The following STK26 variants were observed in gnomAD, a reference collection of about 807,000 sequenced individuals.
STK26 encodes the protein serine/threonine-protein kinase 26.
In STK26, 14 loss-of-function variants were observed where a neutral mutation model predicts 34.7. The ratio of observed to expected loss-of-function variants is 0.40; its 90% CI spans 0.27 to 0.63. The LOEUF is 0.63. Among genes scored for constraint, STK26 ranks in the 30% least tolerant of loss-of-function variants. The probability of loss-of-function intolerance (pLI) is 0.38; values close to 1 mark genes in which losing one functional copy is unlikely to be tolerated. For synonymous variants in STK26, 100 were observed against 109.8 expected, an observed-to-expected ratio of 0.91 and a Z score of 0.56; for missense variants, 226 against 309.1, an observed-to-expected ratio of 0.73 and a Z score of 2.02.
intron 3 of STK26, among the ~76,000 whole-genome samples, chrX:132,058,065 C>T (rs1926916345): frequency 8.9e-6 from 1 of 112,078 alleles, no homozygotes; most frequent in Non-Finnish European, 1.9e-5. Context: ...TATTTTACTA[C>T]ATACATAATT....
chrX:132,072,702 A>G, intron 9 of STK26, 111 bp from the exon 10 acceptor site: 3 of 797,689 alleles, frequency 3.8e-6, no homozygotes, highest in Non-Finnish European at 5.5e-6. Flanking sequence ...CCTTGCATAC[A>G]ATCTTTTGTT....
At chrX:132,050,523 C>G (rs2124164494) in intron 2 of STK26, among the ~76,000 whole-genome samples, 1 of 111,524 alleles carries the variant, frequency 9.0e-6, no homozygotes, top group South Asian at 3.8e-4. Flanking sequence ...GAAAAGTCAG[C>G]CTTCCCTATA....
intron 4 of STK26, among the ~76,000 whole-genome samples, chrX:132,063,839 T>C (rs762252041): frequency 8.9e-6 from 1 of 111,983 alleles, no homozygotes; most frequent in African/African-American, 3.2e-5. Flanking sequence ...AAATATGTAA[T>C]TGAGATAACT....
chrX:132,034,911 CAT>C (rs1925989709), intron 2 of STK26, among the ~76,000 whole-genome samples: 1 of 110,775 alleles, frequency 9.0e-6, no homozygotes, highest in Non-Finnish European at 1.9e-5. Flanking sequence ...TTGCATTTCT[CAT>C]GAGTTCTCAG....
At chrX:132,056,111 A>T (rs929995068) in intron 3 of STK26, among the ~76,000 whole-genome samples, 1 of 112,270 alleles carries the variant, frequency 8.9e-6, no homozygotes. Flanking sequence ...CTTCCTTGAC[A>T]CAATTATTTT....
At position 132,055,087 on chromosome X, in the gene STK26, T is replaced by C. The variant is rs1363470441; in HGVS notation, c.273+226T>C. On this transcript the variant is annotated intron_variant, in intron 3 of 11. Transcript: ENST00000394334. ...CACCCCTTTTCCACACCTGAACTTT[T>C]GGTTTGATGGAGGAGCAGAAATGCA... is the stretch of plus-strand genomic sequence containing the variant. Among the ~76,000 whole-genome samples, 4 of 111,912 alleles carry C rather than the reference T, an allele frequency of 3.6e-5. No homozygotes were observed. In the East Asian group the frequency reaches 1.1e-3, roughly 32 times the overall value.
rs1602773675 is a variant in STK26, at chrX:132,063,574, T to C, written c.330+85T>C. ...TTTTTTAAATTGAAGATTAATGGCT[T>C]TTGAGCACGCTAAGTGGTTGCTTTA... is the stretch of plus-strand genomic sequence containing the variant. On this transcript the variant is annotated intron_variant, in intron 4 of 11. Transcript: ENST00000394334. 3 of 884,121 alleles carry C rather than the reference T, an allele frequency of 3.4e-6. No homozygotes were observed. In the East Asian group the frequency reaches 9.4e-5, roughly 28 times the overall value. The allele number at this position is 884,121 out of a possible 1,213,427, so 72.9% of individuals were successfully genotyped here.
chrX:132,058,740 T>A (rs1031412316), intron 3 of STK26, among the ~76,000 whole-genome samples: 4 of 111,663 alleles, frequency 3.6e-5, no homozygotes, highest in African/African-American at 1.3e-4. Context: ...GATAGCTTCT[T>A]AAGGGATTAA....
chrX:132,072,566 T>C (rs936430506), intron 9 of STK26, among the ~76,000 whole-genome samples: 11 of 110,976 alleles, frequency 9.9e-5, no homozygotes, highest in Non-Finnish European at 1.9e-4. Context: ...TTGGTATTTT[T>C]TAAGTGCATT....
intron 2 of STK26, among the ~76,000 whole-genome samples, chrX:132,049,593 G>A (rs1926616769): frequency 8.9e-6 from 1 of 112,098 alleles, no homozygotes; most frequent in African/African-American, 3.2e-5. Context: ...TACATTGTTA[G>A]GCTGAAGTTT....
chrX:132,034,407 C>A (rs770811679), intron 2 of STK26, among the ~76,000 whole-genome samples: 1 of 96,219 alleles, frequency 1.0e-5, no homozygotes, highest in Non-Finnish European at 2.0e-5. Flanking sequence ...CCCGGGTTCA[C>A]GCCATTCTCC....
intron 11 of STK26, among the ~76,000 whole-genome samples, 189 bp from the exon 12 acceptor site, chrX:132,073,946 G>T (rs760166004): frequency 9.0e-6 from 1 of 111,296 alleles, no homozygotes; most frequent in South Asian, 3.8e-4. Flanking sequence ...CAAATCAATC[G>T]GAAGTTGTGA....
intron 2 of STK26, among the ~76,000 whole-genome samples, chrX:132,052,115 T>A (rs1342066254): frequency 9.0e-6 from 1 of 110,757 alleles, no homozygotes; most frequent in Non-Finnish European, 1.9e-5. Context: ...CAAACTAGAT[T>A]CTTTGTTTAG....
At chrX:132,039,246 T>C (rs1174403598) in intron 2 of STK26, among the ~76,000 whole-genome samples, 1 of 111,845 alleles carries the variant, frequency 8.9e-6, no homozygotes, top group Non-Finnish European at 1.9e-5. Flanking sequence ...ACATTTTAGA[T>C]ATTTTTAAAA....
chrX:132,055,426 A>T (rs1926823938), intron 3 of STK26: 2 of 1,124,133 alleles, frequency 1.8e-6, no homozygotes, highest in African/African-American at 1.8e-5. Flanking sequence ...CTCCCCCTCC[A>T]AATAAAAGTT....
chrX:132,035,200 T>C (rs1230196434), intron 2 of STK26, among the ~76,000 whole-genome samples: 3 of 111,337 alleles, frequency 2.7e-5, no homozygotes, highest in Non-Finnish European at 5.7e-5. Context: ...TTGTGAGAGA[T>C]GAAAACAACA....
At chrX:132,051,061 G>A (rs1416187869) in intron 2 of STK26, among the ~76,000 whole-genome samples, 6 of 111,660 alleles carry the variant, frequency 5.4e-5, no homozygotes, top group African/African-American at 1.6e-4. Context: ...GGATTGGAGA[G>A]CACCTAGAGA....
intron 2 of STK26, among the ~76,000 whole-genome samples, chrX:132,044,664 TCG>T (rs1926388404): frequency 2.7e-5 from 2 of 73,502 alleles, no homozygotes; most frequent in East Asian, 3.8e-4. Context: ...TCTCTCTCTC[TCG>T]AGATCTATAT....
intron 4 of STK26, among the ~76,000 whole-genome samples, chrX:132,067,739 A>G (rs1359302879): frequency 1.8e-5 from 2 of 111,913 alleles, no homozygotes; most frequent in African/African-American, 3.2e-5. Flanking sequence ...ATGCTGACTG[A>G]TATGATCAAA....
Sources: gnomAD v4.1 joint callset for allele counts (sites outside exome capture counted in the v4.1 genomes callset) on GRCh38, gnomAD v4.1.1 for gene constraint, MANE v1.5 for transcripts, NCBI Gene and HGNC (gene_info 2026-07-23, HGNC 2026-07-21) for gene names.